Variants in ARHGAP32 observed in about 807,000 individuals in gnomAD.
ARHGAP32 encodes the protein rho GTPase-activating protein 32.
A neutral mutation model predicts 186.5 loss-of-function variants in ARHGAP32; 51 were observed. The ratio of observed to expected loss-of-function variants is 0.27; its 90% confidence interval spans 0.22 to 0.35. The LOEUF is 0.35. Among genes scored for constraint, ARHGAP32 ranks in the 10% least tolerant of loss-of-function variants. ARHGAP32 has a pLI of 1.00. For missense variants in ARHGAP32, 2,186 were observed against 2,623.5 expected (o/e 0.83, Z 3.64); for synonymous variants, 950 against 964.3 (o/e 0.99, Z 0.27).
chr11:129,154,486 G>T (rs1410098617), intron 2 of ARHGAP32, among the ~76,000 whole-genome samples: 1 of 152,090 alleles, frequency 6.6e-6, no homozygotes, highest in African/African-American at 2.4e-5. Flanking sequence ...AGCCTAACTG[G>T]CCCTTGACCA....
intron 6 of ARHGAP32, among the ~76,000 whole-genome samples, chr11:129,090,193 C>G (rs1194811150): frequency 6.6e-6 from 1 of 152,052 alleles, no homozygotes; most frequent in Admixed American, 6.5e-5. Context: ...ATATTTACTC[C>G]CACTCCTGTA....
chr11:129,035,806 C>T (rs960475698), intron 11 of ARHGAP32, among the ~76,000 whole-genome samples: 2 of 151,018 alleles, frequency 1.3e-5, no homozygotes, highest in Admixed American at 6.6e-5. Flanking sequence ...ATCACGCCAC[C>T]GCACTCCAGC....
At chr11:129,100,701 G>A (rs1271657694) in intron 5 of ARHGAP32, among the ~76,000 whole-genome samples, 1 of 152,040 alleles carries the variant, frequency 6.6e-6, no homozygotes, top group African/African-American at 2.4e-5. Flanking sequence ...ACAGAGAACA[G>A]CGAATCCTCT....
intron 1 of ARHGAP32, among the ~76,000 whole-genome samples, chr11:129,263,179 G>C (rs917877109): frequency 6.6e-6 from 1 of 152,074 alleles, no homozygotes; most frequent in South Asian, 2.1e-4. Flanking sequence ...ACTGGATTTG[G>C]CAATAATTTT....
At chr11:129,002,994 G>A (rs1467380336) in intron 11 of ARHGAP32, among the ~76,000 whole-genome samples, 1 of 151,980 alleles carries the variant, frequency 6.6e-6, no homozygotes, top group Non-Finnish European at 1.5e-5. Context: ...ATTTTTAGTA[G>A]AGACGGGGTT....
intron 2 of ARHGAP32, among the ~76,000 whole-genome samples, chr11:129,155,171 C>T (rs943440399): frequency 4.6e-5 from 7 of 152,132 alleles, no homozygotes; most frequent in Admixed American, 4.6e-4. Context: ...GCAAAAAGAC[C>T]ACATGTGGCT....
At chr11:128,985,516 CTT>C (rs144795542) in intron 15 of ARHGAP32, among the ~76,000 whole-genome samples, 23,679 of 151,916 alleles carry the variant, frequency 0.16, 2,278 homozygotes, top group African/African-American at 0.27. Context: ...GGCAAAGTAA[CTT>C]TCAATTTTAT....
upstream of ARHGAP32, among the ~76,000 whole-genome samples, chr11:129,193,579 TATTATATA>T (rs1192451167): frequency 8.4e-5 from 5 of 59,560 alleles, no homozygotes; most frequent in African/African-American, 3.4e-4. Context: ...AATATATATA[TATTATATA>T]ATATATGTTA....
intron 1 of ARHGAP32, among the ~76,000 whole-genome samples, chr11:129,265,403 G>C (rs999421632): frequency 6.6e-6 from 1 of 152,188 alleles, no homozygotes; most frequent in Admixed American, 6.5e-5. Flanking sequence ...TAATAGCAAA[G>C]AATCTGTTAC....
rs79021495 is a variant in ARHGAP32, at chr11:129,240,965, G to A, written c.-5+38181C>T. ...AGAGGACAATGTACAGTTTAACTCC[G>A]TGGTTAAGAATATGGACTTAGGAAT... On this transcript the variant is annotated intron_variant, in intron 1 of 6. Coordinates refer to the ARHGAP32 transcript ENST00000525234. Among the ~76,000 whole-genome samples, 9 of 152,298 alleles carry A rather than the reference G, an allele frequency of 5.9e-5. No individual in the cohort carries two copies. The East Asian group carries it at 7.7e-4, about 13-fold the overall frequency.
chr11:129,075,576 CT>C (rs746886343), intron 6 of ARHGAP32, among the ~76,000 whole-genome samples: 2 of 152,026 alleles, frequency 1.3e-5, no homozygotes, highest in African/African-American at 4.8e-5. Context: ...TAACACCCCC[CT>C]ATTAGAAATG....
At chr11:129,041,040 A>T in intron 10 of ARHGAP32, 31 bp from the exon 11 acceptor site, 1 of 1,485,830 alleles carries the variant, frequency 6.7e-7, no homozygotes, top group South Asian at 1.2e-5. Context: ...AAGGATTCTA[A>T]ACCAGCAAAC....
At chr11:129,193,481 C>T (rs1171592752), upstream of ARHGAP32, among the ~76,000 whole-genome samples, 1 of 26,064 alleles carries the variant, frequency 3.8e-5, no homozygotes. Context: ...GACCCTGTCT[C>T]AAAAAAAAAA....
chr11:129,253,496 T>C (rs954788965), intron 1 of ARHGAP32, among the ~76,000 whole-genome samples: 2 of 152,144 alleles, frequency 1.3e-5, no homozygotes, highest in Admixed American at 6.6e-5. Context: ...AAAGTCTAAA[T>C]CTAACTAGTT....
chr11:129,088,771 A>C (rs945094393), intron 6 of ARHGAP32, among the ~76,000 whole-genome samples: 2 of 152,052 alleles, frequency 1.3e-5, no homozygotes, highest in East Asian at 3.9e-4. Context: ...AGCTGGGCAC[A>C]ATGGCTCATG....
intron 1 of ARHGAP32, among the ~76,000 whole-genome samples, chr11:129,220,173 C>T (rs753648879): frequency 3.4e-4 from 52 of 152,176 alleles, no homozygotes; most frequent in Middle Eastern, 3.4e-3. Flanking sequence ...TTTTTTTAAA[C>T]CAGAATATCA....
chr11:129,015,424 T>C (rs1938293070), intron 11 of ARHGAP32, among the ~76,000 whole-genome samples: 1 of 152,184 alleles, frequency 6.6e-6, no homozygotes, highest in African/African-American at 2.4e-5. Flanking sequence ...ATATGATAAA[T>C]ATCCATGTCC....
At chr11:129,078,650 G>A (rs569608621) in intron 6 of ARHGAP32, among the ~76,000 whole-genome samples, 87 of 151,980 alleles carry the variant, frequency 5.7e-4, no homozygotes, top group Non-Finnish European at 1.2e-3. Flanking sequence ...ACACCACCAC[G>A]CGTGGCTAAC....
chr11:129,027,788 T>C (rs1938925968), intron 11 of ARHGAP32, among the ~76,000 whole-genome samples: 1 of 152,216 alleles, frequency 6.6e-6, no homozygotes, highest in Non-Finnish European at 1.5e-5. Flanking sequence ...TATCATACTA[T>C]ATTGTTTATT....
Sources: gnomAD v4.1 joint callset for allele counts (sites outside exome capture counted in the v4.1 genomes callset) on GRCh38, gnomAD v4.1.1 for gene constraint, MANE v1.5 for transcripts, NCBI Gene and HGNC (gene_info 2026-07-23, HGNC 2026-07-21) for gene names.